SLC38A11: variants seen among roughly 807,000 people sequenced by gnomAD.
SLC38A11 encodes the protein putative sodium-coupled neutral amino acid transporter 11.
In SLC38A11, 51 loss-of-function variants were observed where a neutral mutation model predicts 49.4. That is an observed-to-expected ratio of 1.03 (90% confidence interval 0.83 to 1.30). SLC38A11 has a LOEUF of 1.30. Ranked by LOEUF, SLC38A11 falls within the 50% of genes most tolerant of loss-of-function variation. The pLI, the probability that SLC38A11 is intolerant of heterozygous loss-of-function variation, is 0.00. For synonymous variants in SLC38A11, 203 were observed against 192.9 expected (o/e 1.05, Z -0.43); for missense variants, 574 against 556.2 (o/e 1.03, Z -0.32).
intron 10 of SLC38A11, among the ~76,000 whole-genome samples, chr2:164,911,187 T>G (rs1685375013): frequency 1.3e-5 from 2 of 152,080 alleles, no homozygotes; most frequent in Non-Finnish European, 1.5e-5. Context: ...CAAAACCAGT[T>G]AGAATCTGTA....
chr2:164,937,808 T>C (rs1423006097), intron 6 of SLC38A11: 4 of 159,854 alleles, frequency 2.5e-5, no homozygotes, highest in African/African-American at 9.6e-5. Flanking sequence ...CATGTGCTTT[T>C]TTACTATCTA....
At chr2:164,904,176 C>G (rs947402576) in intron 11 of SLC38A11, among the ~76,000 whole-genome samples, 2 of 152,150 alleles carry the variant, frequency 1.3e-5, no homozygotes, top group Non-Finnish European at 2.9e-5. Flanking sequence ...TATGCTGGCA[C>G]AGGCACCAGC....
At chr2:164,915,629 CCATAA>C (rs1034451924) in intron 8 of SLC38A11, 3 of 445,398 alleles carry the variant, frequency 6.7e-6, no homozygotes, top group African/African-American at 5.9e-5. Flanking sequence ...TTGAAGAAGT[CCATAA>C]CACTTGCTAG....
At chr2:164,934,132 T>G (rs1202789677) in intron 7 of SLC38A11, among the ~76,000 whole-genome samples, 1 of 152,076 alleles carries the variant, frequency 6.6e-6, no homozygotes, top group East Asian at 1.9e-4. Context: ...CAAGGCACAC[T>G]GCTTATATGA....
chr2:164,941,456 A>C (rs923785574), intron 5 of SLC38A11, among the ~76,000 whole-genome samples: 1 of 152,156 alleles, frequency 6.6e-6, no homozygotes, highest in Non-Finnish European at 1.5e-5. Context: ...ATGGTGCCTC[A>C]CAAGATATAC....
intron 7 of SLC38A11, among the ~76,000 whole-genome samples, chr2:164,929,159 A>G (rs750960128): frequency 1.3e-5 from 2 of 152,104 alleles, no homozygotes; most frequent in Non-Finnish European, 2.9e-5. Context: ...CCTATCACTC[A>G]CTTACATCTT....
chr2:164,911,008 A>G (rs1387612659), intron 10 of SLC38A11, among the ~76,000 whole-genome samples: 2 of 151,842 alleles, frequency 1.3e-5, no homozygotes, highest in Non-Finnish European at 2.9e-5. Context: ...TGTAAATAAT[A>G]TCCTATATAT....
chr2:164,906,514 C>T lies in SLC38A11; in HGVS notation c.1095+2126G>A, dbSNP rs138076684. On this transcript the variant is annotated intron_variant, in intron 11 of 11. Coordinates refer to ENST00000685975, the MANE Select transcript of SLC38A11 (RefSeq NM_001351537.2). ...GTTAAGTATTTTTGTCTTCAAAGAGCTTACCAATTGTTAGGTAAGGCAAGC... is the reference window on the plus strand; with the variant it reads ...GTTAAGTATTTTTGTCTTCAAAGAGTTTACCAATTGTTAGGTAAGGCAAGC... Among the ~76,000 whole-genome samples the T allele has an allele frequency of 9.5e-4, 145 of 152,244 alleles. 2 individuals are homozygous for T. The East Asian group carries it at 0.017, about 18-fold the overall frequency.
chr2:164,936,822 T>C (rs1687404466), intron 7 of SLC38A11, among the ~76,000 whole-genome samples: 1 of 143,084 alleles, frequency 7.0e-6, no homozygotes, highest in African/African-American at 2.4e-5. Context: ...CTAATACCAA[T>C]TTGTCAACAT....
In SLC38A11 at chr2:164,911,766, A is replaced by C; in HGVS notation, c.851-18T>G. ...TAAGTCCCCTAGATAGTAATATAAAATAAGTTTATTTACTAGATACTAAAT... is the reference window on the plus strand; with the variant it reads ...TAAGTCCCCTAGATAGTAATATAAACTAAGTTTATTTACTAGATACTAAAT... On this transcript the variant is annotated intron_variant, in intron 9 of 11. Transcript: ENST00000685975. 7.1e-7 allele frequency: 1 copy of C among 1,416,898 alleles called. No homozygotes were observed. The highest frequency in any genetic ancestry group is 9.7e-7 in the Non-Finnish European group (1 of 1,028,040). 87.8% of individuals were successfully genotyped at this position (1,416,898 alleles called of 1,614,324 possible).
At position 164,896,050 on chromosome 2, in the gene SLC38A11, C is replaced by T. The variant is rs573301400; in HGVS notation, c.*2387G>A. On this transcript the variant is annotated 3_prime_UTR_variant, in exon 12 of 12. Coordinates refer to ENST00000685975, the MANE Select transcript of SLC38A11 (RefSeq NM_001351537.2). ...AACCTTCAAGTTGCTTTGTTAGGGG[C>T]AACAAGTGGCAGGGATGGAAAGATT... The T allele has an allele frequency of 6.6e-6, 1 of 151,882 alleles. No homozygotes were observed. Among genetic ancestry groups the T allele is most frequent in the Non-Finnish European group, 1.5e-5 (1 of 67,966 alleles). The allele number at this position is 151,882 out of a possible 1,614,324, so 9.4% of individuals were successfully genotyped here.
In SLC38A11 at chr2:164,937,932, T is replaced by G. The variant is rs533938672; in HGVS notation, c.538-503A>C. Reference sequence around the variant, plus strand: ...AGCTTTTTCCTCTCTGCTCTCCAGCTCTACTTTTCCTACCTGGTTTTGCCC... The same window carrying G: ...AGCTTTTTCCTCTCTGCTCTCCAGCGCTACTTTTCCTACCTGGTTTTGCCC... On this transcript the variant is annotated intron_variant, in intron 6 of 11. Coordinates refer to ENST00000685975, the MANE Select transcript of SLC38A11 (RefSeq NM_001351537.2). Among the ~76,000 whole-genome samples the G allele has an allele frequency of 2.6e-5, 4 of 152,012 alleles. No homozygotes were observed. In the East Asian group the frequency reaches 7.8e-4, roughly 29 times the overall value.
At chr2:164,903,875 GC>G (rs1339039334) in intron 11 of SLC38A11, among the ~76,000 whole-genome samples, 2 of 152,098 alleles carry the variant, frequency 1.3e-5, no homozygotes, top group Non-Finnish European at 2.9e-5. Context: ...TTGAAAAAGT[GC>G]CTGAATTTTC....
intron 7 of SLC38A11, among the ~76,000 whole-genome samples, chr2:164,928,850 A>G (rs1445223795): frequency 6.6e-6 from 1 of 152,068 alleles, no homozygotes; most frequent in Non-Finnish European, 1.5e-5. Context: ...TACTCCTTAT[A>G]TTCTTATCCT....
intron 8 of SLC38A11, chr2:164,915,574 T>C: frequency 2.4e-6 from 1 of 422,410 alleles, no homozygotes; most frequent in Non-Finnish European, 4.2e-6. Context: ...TTCCCATCGT[T>C]TTCATCCTGT....
intron 11 of SLC38A11, among the ~76,000 whole-genome samples, chr2:164,906,809 C>T (rs536861993): frequency 6.6e-6 from 1 of 152,280 alleles, no homozygotes; most frequent in Admixed American, 6.5e-5. Context: ...TCCCCACTTT[C>T]CATTTACAAG....
intron 3 of SLC38A11, among the ~76,000 whole-genome samples, chr2:164,949,252 A>T (rs148788503): frequency 3.7e-4 from 56 of 151,964 alleles, no homozygotes; most frequent in Admixed American, 7.9e-4. Flanking sequence ...TTAATTAATT[A>T]ATTTATTTAT....
rs779099489 is a variant in SLC38A11, at chr2:164,911,629, CG to C, written c.963+6del. 2 of 1,499,490 alleles carry C rather than the reference CG, an allele frequency of 1.3e-6. No individual in the cohort carries two copies. Among genetic ancestry groups the C allele is most frequent in the Non-Finnish European group, 1.8e-6 (2 of 1,092,514 alleles). The allele number at this position is 1,499,490 out of a possible 1,614,324, so 92.9% of individuals were successfully genotyped here. ...TGGGTAAAGCGTTGGGAAGGAACCG[CG>C]CTTACCTCTCTTGTCACAAAGCATT... On this transcript the variant is annotated splice_donor_region_variant and intron_variant, in intron 10 of 11. Coordinates refer to ENST00000685975, the MANE Select transcript of SLC38A11 (RefSeq NM_001351537.2).
chr2:164,920,241 A>C, intron 7 of SLC38A11, among the ~76,000 whole-genome samples: 1 of 149,212 alleles, frequency 6.7e-6, no homozygotes, highest in South Asian at 2.1e-4. Context: ...GCCCCACTGC[A>C]CTCCACTCCA....
Sources: allele counts gnomAD v4.1 joint callset (sites outside exome capture counted in the v4.1 genomes callset), GRCh38; gene constraint gnomAD v4.1.1; transcripts MANE v1.5; gene names NCBI Gene and HGNC (gene_info 2026-07-23, HGNC 2026-07-21).